COL4A5: variants seen among roughly 807,000 people sequenced by gnomAD.
COL4A5 encodes the protein collagen type IV alpha 5 chain, also known as collagen alpha-5(IV) chain.
In COL4A5, 26 loss-of-function variants were observed where a neutral mutation model predicts 130.2. The ratio of observed to expected loss-of-function variants is 0.20; its 90% CI spans 0.15 to 0.28. The LOEUF is 0.28. Among genes scored for constraint, COL4A5 ranks in the 10% least tolerant of loss-of-function variants. The probability of loss-of-function intolerance (pLI) is 1.00; values close to 1 mark genes in which losing one functional copy is unlikely to be tolerated. For missense variants in COL4A5, 1,131 were observed against 1,344.3 expected (o/e 0.84, Z 2.48); for synonymous variants, 496 against 439.6 (o/e 1.13, Z -1.60).
intron 36 of COL4A5, among the ~76,000 whole-genome samples, chrX:108,644,825 G>A (rs1044693278): frequency 2.9e-4 from 31 of 107,201 alleles, no homozygotes; most frequent in African/African-American, 8.5e-4. Context: ...ACTTGAACCC[G>A]GGAGGCGGAG....
chrX:108,525,084 G>A (rs1178944356), intron 1 of COL4A5, among the ~76,000 whole-genome samples: 2 of 111,543 alleles, frequency 1.8e-5, no homozygotes, highest in African/African-American at 3.3e-5. Context: ...ATTATTAAAA[G>A]TGGAGTATTG....
intron 28 of COL4A5, among the ~76,000 whole-genome samples, chrX:108,604,678 C>T (rs747391220): frequency 2.8e-4 from 31 of 112,017 alleles, no homozygotes; most frequent in African/African-American, 9.7e-4. Context: ...GCTTTGAAAC[C>T]AGTAATTTAC....
rs1432308542 is a variant in COL4A5, at chrX:108,697,215, C to T, written c.*837C>T. 1 of 110,990 alleles carries T rather than the reference C, an allele frequency of 9.0e-6. No individual in the cohort carries two copies. Among genetic ancestry groups the T allele is most frequent in the East Asian group, 2.8e-4 (1 of 3,541 alleles). The allele number at this position is 110,990 out of a possible 1,213,427, so 9.1% of individuals were successfully genotyped here. A position where few individuals can be genotyped will look rare whatever the true frequency, so the allele number is the denominator to read the frequency against. ...ATGCCCCCTGTTTTAATGTTTCTTA[C>T]ATCTTGTTTTTACTCATTTCTGACT... On this transcript the variant is annotated 3_prime_UTR_variant, in exon 53 of 53. Coordinates refer to ENST00000328300, the MANE Select transcript of COL4A5 (RefSeq NM_033380.3).
At chrX:108,668,741 A>G (rs2068137499) in intron 41 of COL4A5, among the ~76,000 whole-genome samples, 1 of 112,317 alleles carries the variant, frequency 8.9e-6, no homozygotes, top group African/African-American at 3.2e-5. Flanking sequence ...TATCATTTAT[A>G]TAGAGGAAGT....
intron 1 of COL4A5, among the ~76,000 whole-genome samples, chrX:108,457,801 A>G (rs764909832): frequency 8.9e-6 from 1 of 111,841 alleles, no homozygotes; most frequent in Non-Finnish European, 1.9e-5. Context: ...TACCTTTTTT[A>G]TAAATGTCTT....
At chrX:108,504,335 T>A (rs757600936) in intron 1 of COL4A5, among the ~76,000 whole-genome samples, 3 of 111,543 alleles carry the variant, frequency 2.7e-5, no homozygotes, top group African/African-American at 9.8e-5. Context: ...GGCAAATAAT[T>A]TATGACTCAG....
chrX:108,694,738 T>C, intron 50 of COL4A5, 69 bp from the exon 51 acceptor site: 2 of 819,813 alleles, frequency 2.4e-6, no homozygotes, highest in Non-Finnish European at 3.7e-6. Context: ...AGGCTTCCAA[T>C]GAAGCAGGAT....
chrX:108,590,280 C>T (rs1362567734), intron 19 of COL4A5, among the ~76,000 whole-genome samples: 2 of 111,250 alleles, frequency 1.8e-5, no homozygotes, highest in Non-Finnish European at 3.8e-5. Context: ...TTGCCTTCCT[C>T]TTCACCAGCA....
At chrX:108,553,993 C>A (rs948893591) in intron 2 of COL4A5, among the ~76,000 whole-genome samples, 2 of 111,614 alleles carry the variant, frequency 1.8e-5, no homozygotes, top group Non-Finnish European at 3.8e-5. Context: ...CTTTATAATT[C>A]CATTTATATA....
At chrX:108,568,970 T>C in intron 6 of COL4A5, 149 bp downstream of exon 6, 2 of 480,913 alleles carry the variant, frequency 4.2e-6, no homozygotes, top group Non-Finnish European at 7.2e-6. Flanking sequence ...TATAATTTTC[T>C]ATATATTGAA....
intron 37 of COL4A5, among the ~76,000 whole-genome samples, chrX:108,662,213 A>G (rs1237682724): frequency 9.2e-6 from 1 of 108,277 alleles, no homozygotes; most frequent in Non-Finnish European, 1.9e-5. Context: ...CAGCCATAAA[A>G]AATGATGAGT....
chrX:108,653,605 A>AAACCATGGATAGCG (rs2067777180), intron 36 of COL4A5, among the ~76,000 whole-genome samples: 1 of 111,892 alleles, frequency 8.9e-6, no homozygotes, highest in Non-Finnish European at 1.9e-5. Context: ...CATGGATAGC[A>AAACCATGGATAGCG]AAACCATGGA....
intron 1 of COL4A5, among the ~76,000 whole-genome samples, chrX:108,495,744 ATCAG>A (rs2065029938): frequency 8.9e-6 from 1 of 112,232 alleles, no homozygotes. Context: ...TTCTATGGAT[ATCAG>A]TCAGTCTCTT....
At chrX:108,540,886 G>A (rs1398385058) in intron 2 of COL4A5, among the ~76,000 whole-genome samples, 1 of 112,293 alleles carries the variant, frequency 8.9e-6, no homozygotes, top group South Asian at 3.7e-4. Context: ...ATATAAAAGG[G>A]ATAGTAAATT....
At chrX:108,483,659 A>G (rs1323155210) in intron 1 of COL4A5, among the ~76,000 whole-genome samples, 1 of 111,999 alleles carries the variant, frequency 8.9e-6, no homozygotes, top group Non-Finnish European at 1.9e-5. Flanking sequence ...GCTAGATTAT[A>G]TGGTTGCTCT....
chrX:108,631,190 A>G (rs2067251778), intron 36 of COL4A5, among the ~76,000 whole-genome samples: 1 of 111,940 alleles, frequency 8.9e-6, no homozygotes, highest in East Asian at 2.8e-4. Context: ...AATTCTGTGA[A>G]GAAAGTCATT....
chrX:108,479,564 A>C (rs748896503), intron 1 of COL4A5, among the ~76,000 whole-genome samples: 2 of 111,510 alleles, frequency 1.8e-5, no homozygotes, highest in African/African-American at 6.5e-5. Context: ...TCCTCTGTCA[A>C]CTGATCATAG....
intron 9 of COL4A5, 21 bp downstream of exon 9, chrX:108,573,675 T>C (rs1346926929): frequency 9.4e-7 from 1 of 1,064,656 alleles, no homozygotes; most frequent in Non-Finnish European, 1.3e-6. Flanking sequence ...AGTGATTTTC[T>C]TTTTTTGCTA....
chrX:108,536,577 G>A (rs28671150), intron 1 of COL4A5, among the ~76,000 whole-genome samples: 42,662 of 110,186 alleles, frequency 0.39, 7,756 homozygotes, highest in East Asian at 0.72. Flanking sequence ...AATCAATTTT[G>A]TATTTTAATC....
Sources: allele counts gnomAD v4.1 joint callset (sites outside exome capture counted in the v4.1 genomes callset), GRCh38; gene constraint gnomAD v4.1.1; transcripts MANE v1.5; gene names NCBI Gene and HGNC (gene_info 2026-07-23, HGNC 2026-07-21).